Variants in RBM27 observed in about 807,000 individuals in gnomAD.
RBM27 encodes the protein RNA-binding protein 27.
A neutral mutation model predicts 135.3 loss-of-function variants in RBM27; 22 were observed. The ratio of observed to expected loss-of-function variants is 0.16; its 90% CI spans 0.12 to 0.23. The LOEUF is 0.23. RBM27 is among the 10% of genes least tolerant of loss of function. The probability of loss-of-function intolerance (pLI) is 1.00; values close to 1 mark genes in which losing one functional copy is unlikely to be tolerated. For synonymous variants in RBM27, 481 were observed against 442.4 expected, an observed-to-expected ratio of 1.09 and a Z score of -1.10; for missense variants, 1,009 against 1,281.0, an observed-to-expected ratio of 0.79 and a Z score of 3.24.
chr5:146,221,167 A>G (rs531887571), intron 2 of RBM27, among the ~76,000 whole-genome samples: 2 of 152,160 alleles, frequency 1.3e-5, no homozygotes, highest in East Asian at 3.9e-4. Flanking sequence ...AAAAAGTTAG[A>G]AAGGATTTTA....
At chr5:146,222,651 T>C (rs1458606132) in intron 2 of RBM27, among the ~76,000 whole-genome samples, 1 of 152,188 alleles carries the variant, frequency 6.6e-6, no homozygotes, top group Non-Finnish European at 1.5e-5. Context: ...ACCACTGCAC[T>C]CCAGCCTGGG....
In RBM27 at chr5:146,267,686, G is replaced by C; in HGVS notation, c.2369G>C (p.Ser790Thr). 6.3e-7 allele frequency: 1 copy of C among 1,594,616 alleles called. No homozygotes were observed. The highest frequency in any genetic ancestry group is 8.6e-7 in the Non-Finnish European group (1 of 1,168,058). Residue 790 changes from serine (S) to threonine (T), a missense_variant, in exon 15 of 21, where the codon AGC becomes ACC. Around this residue, in one of 6 missense-constraint regions of RBM27, gnomAD observed 355 missense variants for 427.3 expected, o/e 0.83. Transcript: ENST00000265271. ...STPGHPKMIYSSSNLKTPSKL... is the reference protein window; with the variant it reads ...STPGHPKMIYTSSNLKTPSKL... Reference sequence around the variant, plus strand: ...CCAGGCCATCCAAAAATGATTTACAGCTCCTCAAACTTAAAGACACCTTCA... The same window carrying C: ...CCAGGCCATCCAAAAATGATTTACACCTCCTCAAACTTAAAGACACCTTCA...
intron 19 of RBM27, among the ~76,000 whole-genome samples, chr5:146,283,231 C>T (rs1202089287): frequency 6.6e-6 from 1 of 152,140 alleles, no homozygotes; most frequent in Non-Finnish European, 1.5e-5. Flanking sequence ...ACGTACATTA[C>T]CTAATTTTTA....
chr5:146,258,886 G>A (rs1758239477), intron 11 of RBM27, among the ~76,000 whole-genome samples: 1 of 151,684 alleles, frequency 6.6e-6, no homozygotes, highest in Non-Finnish European at 1.5e-5. Flanking sequence ...AGCCTCCTGA[G>A]TAGTTGAGAT....
rs564975310 is a variant in RBM27 at position 146,227,364 on chromosome 5, C to T, written c.304-1582C>T. Among the ~76,000 whole-genome samples, 13 of 152,214 alleles carry T rather than the reference C, an allele frequency of 8.5e-5. No individual in the cohort carries two copies. In the East Asian group the frequency reaches 2.5e-3, roughly 29 times the overall value. On this transcript the variant is annotated intron_variant, in intron 3 of 20. Transcript: ENST00000265271. ...TGGAATAATACATCCTCTGTATTTC[C>T]TGTGAATTAGGATAGAGAATGTTTT...
At chr5:146,229,601 T>C (rs1581164135) in intron 4 of RBM27, 116 bp from the exon 5 acceptor site, 2 of 869,254 alleles carry the variant, frequency 2.3e-6, no homozygotes, top group East Asian at 4.9e-5. Flanking sequence ...TTTGCAACTT[T>C]CTAAAAAAGC....
At chr5:146,224,721 C>T (rs1756594346) in intron 3 of RBM27, among the ~76,000 whole-genome samples, 1 of 151,848 alleles carries the variant, frequency 6.6e-6, no homozygotes, top group South Asian at 2.1e-4. Context: ...ATACCCAAAA[C>T]ACCCATATGA....
At chr5:146,221,093 C>T (rs113457872) in intron 2 of RBM27, among the ~76,000 whole-genome samples, 2,691 of 149,342 alleles carry the variant, frequency 0.018, 78 homozygotes, top group African/African-American at 0.063. Flanking sequence ...TGGTGGTGGG[C>T]GCCTGTAGTC....
chr5:146,218,793 T>C (rs566762311), intron 1 of RBM27, among the ~76,000 whole-genome samples, 192 bp from the exon 2 acceptor site: 16 of 152,354 alleles, frequency 1.1e-4, no homozygotes, highest in African/African-American at 3.8e-4. Context: ...CTAGTCATTT[T>C]GTAGAAATAA....
chr5:146,249,840 A>G (rs1325920421), intron 8 of RBM27, among the ~76,000 whole-genome samples: 2 of 152,108 alleles, frequency 1.3e-5, no homozygotes, highest in African/African-American at 2.4e-5. Context: ...TGTAGGATGT[A>G]CAGGTTTTTT....
intron 17 of RBM27, 57 bp downstream of exon 17, chr5:146,269,641 G>T (rs1438639602): frequency 8.0e-7 from 1 of 1,249,120 alleles, no homozygotes; most frequent in Non-Finnish European, 1.1e-6. Context: ...CCATGTGCTT[G>T]ACACCTTGAA....
rs752680065 is a variant in RBM27 at position 146,230,852 on chromosome 5, A to G, written c.785A>G (p.Asn262Ser). ...GAGAGTTGGTCTAATTACTATAACAATCATAGCTCTTCCAATTCTTTTGGT... is the reference window on the plus strand; with the variant it reads ...GAGAGTTGGTCTAATTACTATAACAGTCATAGCTCTTCCAATTCTTTTGGT... ...TTESWSNYYN[N>S]HSSSNSFGRN... Residue 262 changes from asparagine (N) to serine (S), a missense_variant, in exon 6 of 21, where the codon AAT (asparagine) becomes AGT (serine). By Grantham distance (46) the Asn-to-Ser change is conservative (BLOSUM62 1). This residue lies in a region of RBM27 where 268 missense variants were observed against 326.6 expected (regional missense o/e 0.82). Coordinates refer to ENST00000265271, the MANE Select transcript of RBM27 (RefSeq NM_018989.2). The G allele has an allele frequency of 1.1e-5, 18 of 1,614,038 alleles. No homozygotes were observed. The highest frequency in any genetic ancestry group is 2.2e-5 in the South Asian group (2 of 91,080).
At chr5:146,209,223 A>T (rs983079490) in intron 1 of RBM27, among the ~76,000 whole-genome samples, 14 of 152,220 alleles carry the variant, frequency 9.2e-5, no homozygotes, top group Non-Finnish European at 4.4e-5. Context: ...ATGAAAATAC[A>T]TGAAACTTTC....
At chr5:146,249,521 A>T (rs1343126945) in intron 8 of RBM27, among the ~76,000 whole-genome samples, 2 of 151,748 alleles carry the variant, frequency 1.3e-5, no homozygotes, top group Non-Finnish European at 2.9e-5. Flanking sequence ...CCCCGTCCCT[A>T]CTAAAAATGC....
rs537289147 is a variant in RBM27, at chr5:146,261,878, C to T, written c.2190+72C>T. 3 of 1,488,694 alleles carry T rather than the reference C, an allele frequency of 2.0e-6. No individual in the cohort carries two copies. In the South Asian group the frequency reaches 3.6e-5, roughly 18 times the overall value. 92.2% of individuals were successfully genotyped at this position (1,488,694 alleles called of 1,614,324 possible). A position where few individuals can be genotyped will look rare whatever the true frequency, so the allele number is the denominator to read the frequency against. ...AGATCAGTATTTTTCAATTCCTGGTCCTTGGGTCTTCTACAGAAGAGCTAC... is the reference window on the plus strand; with the variant it reads ...AGATCAGTATTTTTCAATTCCTGGTTCTTGGGTCTTCTACAGAAGAGCTAC... On this transcript the variant is annotated intron_variant, in intron 13 of 20. Transcript: ENST00000265271.
intron 3 of RBM27, among the ~76,000 whole-genome samples, chr5:146,226,123 C>T (rs1251374146): frequency 6.6e-6 from 1 of 151,526 alleles, no homozygotes; most frequent in African/African-American, 2.4e-5. Context: ...TTGCCTCGGC[C>T]TCCCAAAGTG....
At chr5:146,282,579 C>T (rs1014895244) in intron 19 of RBM27, among the ~76,000 whole-genome samples, 3 of 152,174 alleles carry the variant, frequency 2.0e-5, no homozygotes, top group Non-Finnish European at 4.4e-5. Flanking sequence ...ATTTACATAG[C>T]TTTTACATTG....
At chr5:146,260,516 G>A (rs374167669) in intron 11 of RBM27, among the ~76,000 whole-genome samples, 20 of 152,200 alleles carry the variant, frequency 1.3e-4, no homozygotes, top group East Asian at 9.7e-4. Flanking sequence ...GAGCTACTTC[G>A]CTCAGCCTGT....
At chr5:146,261,904 T>C in intron 13 of RBM27, 98 bp downstream of exon 13, 1 of 1,253,228 alleles carries the variant, frequency 8.0e-7, no homozygotes, top group South Asian at 1.4e-5. Flanking sequence ...GAAGAGCTAC[T>C]CTTAATTTGA....
Sources: allele counts gnomAD v4.1 joint callset (sites outside exome capture counted in the v4.1 genomes callset), GRCh38; gene constraint gnomAD v4.1.1; regional missense constraint gnomAD v4.1.1; transcripts MANE v1.5; gene names NCBI Gene and HGNC (gene_info 2026-07-23, HGNC 2026-07-21).